CHMP7: variants seen among roughly 807,000 people sequenced by gnomAD.
CHMP7 encodes CHMP family, member 7.
Under a neutral mutation model 53.7 loss-of-function variants are expected in CHMP7, and 15 were observed. That is an observed-to-expected ratio of 0.28 (90% CI 0.19 to 0.43). The LOEUF (loss-of-function observed/expected upper bound fraction) is 0.43. Among genes scored for constraint, CHMP7 ranks in the 20% least tolerant of loss-of-function variants. The pLI is 1.00. For missense variants in CHMP7, 527 were observed against 569.4 expected, an observed-to-expected ratio of 0.93 and a Z score of 0.76; for synonymous variants, 261 against 228.0, an observed-to-expected ratio of 1.14 and a Z score of -1.30.
chr8:23,251,840 C>CA (rs999876330), intron 3 of CHMP7, among the ~76,000 whole-genome samples: 10 of 152,232 alleles, frequency 6.6e-5, no homozygotes, highest in African/African-American at 2.2e-4. Flanking sequence ...TTTTCCATTA[C>CA]AAAAAAATGC....
chr8:23,250,431 C>G (rs1730009118), intron 3 of CHMP7, among the ~76,000 whole-genome samples: 1 of 152,136 alleles, frequency 6.6e-6, no homozygotes, highest in South Asian at 2.1e-4. Context: ...TAAACCCAAA[C>G]CCACTCAATG....
chr8:23,258,861 G>A, intron 8 of CHMP7, 31 bp downstream of exon 8: 1 of 1,450,018 alleles, frequency 6.9e-7, no homozygotes, highest in Non-Finnish European at 9.7e-7. Context: ...GGGACACACA[G>A]AGAAGGAGGT....
intron 2 of CHMP7, chr8:23,248,287 A>G (rs1036021006): frequency 1.2e-5 from 5 of 429,888 alleles, no homozygotes; most frequent in African/African-American, 6.1e-5. Flanking sequence ...TAATACCTCT[A>G]TGGTGGTATT....
chr8:23,250,609 G>A (rs1412725116), intron 3 of CHMP7, among the ~76,000 whole-genome samples: 3 of 148,632 alleles, frequency 2.0e-5, no homozygotes. Context: ...TGTGGATGAG[G>A]TGATAGGGGC....
At chr8:23,255,504 T>A in intron 4 of CHMP7, 72 bp downstream of exon 4, 2 of 1,475,940 alleles carry the variant, frequency 1.4e-6, no homozygotes, top group Non-Finnish European at 1.9e-6. Context: ...TGAGCCCTTA[T>A]CTCAGATTTT....
chr8:23,258,153 G>T (rs1802212513), intron 6 of CHMP7, 72 bp downstream of exon 6: 1 of 1,472,450 alleles, frequency 6.8e-7, no homozygotes, highest in Non-Finnish European at 9.5e-7. Context: ...GCAGTTCAGA[G>T]AGCAGCTTGC....
At chr8:23,256,900 T>C (rs925881752) in intron 5 of CHMP7, among the ~76,000 whole-genome samples, 142 of 151,352 alleles carry the variant, frequency 9.4e-4, no homozygotes, top group African/African-American at 2.4e-3. Context: ...TCACGCCATT[T>C]TCCTGCGCCA....
intron 1 of CHMP7, 134 bp from the exon 2 acceptor site, chr8:23,246,122 T>C (rs1347220714): frequency 2.0e-5 from 3 of 152,294 alleles, no homozygotes; most frequent in African/African-American, 7.2e-5. Context: ...CTTTTTATTA[T>C]TTTTTCTCTT....
At position 23,261,137 on chromosome 8, in the gene CHMP7, GTA is replaced by G. The variant is rs1427715608; in HGVS notation, c.*541_*542del. On this transcript the variant is annotated 3_prime_UTR_variant, in exon 11 of 11. Transcript: ENST00000397677. ...CTGCCATTTTATGGAAAAACATGTA[GTA>G]TAAAAGGTTTTTCTCCAGGGTCATT... is the stretch of plus-strand genomic sequence containing the variant. The G allele has an allele frequency of 6.5e-6, 1 of 154,990 alleles. No individual in the cohort carries two copies. Among genetic ancestry groups the G allele is most frequent in the African/African-American group, 2.4e-5 (1 of 41,448 alleles). The allele number at this position is 154,990 out of a possible 1,614,324, so 9.6% of individuals were successfully genotyped here.
chr8:23,251,632 T>C (rs1028025857), intron 3 of CHMP7, among the ~76,000 whole-genome samples: 2 of 152,232 alleles, frequency 1.3e-5, no homozygotes, highest in Non-Finnish European at 2.9e-5. Context: ...TCCATTTTTT[T>C]CTAGAAATGG....
chr8:23,249,735 C>T (rs1399459201), intron 3 of CHMP7, among the ~76,000 whole-genome samples: 1 of 152,184 alleles, frequency 6.6e-6, no homozygotes, highest in Non-Finnish European at 1.5e-5. Flanking sequence ...GCATTGCCAC[C>T]TCTAAACTGG....
intron 3 of CHMP7, chr8:23,252,249 G>A (rs1318449977): frequency 4.9e-5 from 7 of 143,494 alleles, no homozygotes; most frequent in East Asian, 2.1e-4. Context: ...GCAGTGGCAC[G>A]ATCTCCGCTC....
At chr8:23,259,273 A>G in intron 9 of CHMP7, 147 bp downstream of exon 9, 2 of 467,256 alleles carry the variant, frequency 4.3e-6, no homozygotes, top group Admixed American at 8.3e-5. Flanking sequence ...GGTTCACGCC[A>G]TTCTCCTGCC....
rs1491187498 is a variant in CHMP7, at chr8:23,259,161, C to CTTTTT, written c.1120+35_1120+36insTTTTT. ...CAAGGTGGTTATTTTTATTTTTATT[C>CTTTTT]ATTTTTTTTTTTTTTTTTTTTTTTT... On this transcript the variant is annotated intron_variant, in intron 9 of 10. Coordinates refer to ENST00000397677, the MANE Select transcript of CHMP7 (RefSeq NM_152272.5). 1.7e-4 allele frequency: 90 copies of CTTTTT among 520,324 alleles called. 4 individuals are homozygous for CTTTTT. The highest frequency in any genetic ancestry group is 1.9e-4 in the Admixed American group (5 of 25,734). 32.2% of individuals were successfully genotyped at this position (520,324 alleles called of 1,614,324 possible).
chr8:23,246,679 C>A lies in CHMP7; in HGVS notation c.-17C>A, dbSNP rs1461824149. 1.3e-6 allele frequency: 2 copies of A among 1,544,010 alleles called. No homozygotes were observed. Among genetic ancestry groups the A allele is most frequent in the Non-Finnish European group, 8.7e-7 (1 of 1,143,970 alleles). On this transcript the variant is annotated 5_prime_UTR_variant, in exon 2 of 11. Coordinates refer to ENST00000397677, the MANE Select transcript of CHMP7 (RefSeq NM_152272.5). ...GGCCAGGCTTGTGTTCGCAGCCTTG[C>A]CGGGGCTGGGGTTCCGATGTGGTCC...
At position 23,260,162 on chromosome 8, in the gene CHMP7, T is replaced by A; in HGVS notation, c.1139T>A (p.Leu380Gln). Residue 380 changes from leucine to glutamine, a missense_variant, in exon 10 of 11, where the codon CTG becomes CAG. Leu to Gln is a moderately radical substitution (Grantham distance 113). Coordinates refer to ENST00000397677, the MANE Select transcript of CHMP7 (RefSeq NM_152272.5). Reference sequence around the variant, plus strand: ...TTTCCAGATTTTGACAGTGAAGAACTGGAGAAGGAATTGGACATCCTCCTT... The same window carrying A: ...TTTCCAGATTTTGACAGTGAAGAACAGGAGAAGGAATTGGACATCCTCCTT... ...TNGLDFDSEE[L>Q]EKELDILLQD... 1 of 1,614,102 alleles carries A rather than the reference T, an allele frequency of 6.2e-7. No homozygotes were observed. Among genetic ancestry groups the A allele is most frequent in the Admixed American group, 1.7e-5 (1 of 60,024 alleles).
chr8:23,248,024 A>G (rs1457626036), intron 2 of CHMP7: 5 of 454,936 alleles, frequency 1.1e-5, no homozygotes, highest in Admixed American at 7.1e-5. Flanking sequence ...ATTGCCCAGG[A>G]TGGTCTCGAA....
At chr8:23,256,266 G>A (rs1802120684) in intron 4 of CHMP7, among the ~76,000 whole-genome samples, 194 bp from the exon 5 acceptor site, 2 of 152,156 alleles carry the variant, frequency 1.3e-5, no homozygotes, top group Admixed American at 1.3e-4. Flanking sequence ...AAGGAAAAAT[G>A]TTTACATAGC....
At position 23,246,670 on chromosome 8, in the gene CHMP7, G is replaced by T; in HGVS notation, c.-26G>T. The T allele has an allele frequency of 6.5e-7, 1 of 1,539,296 alleles. No homozygotes were observed. Among genetic ancestry groups the T allele is most frequent in the Non-Finnish European group, 8.8e-7 (1 of 1,140,910 alleles). ...GCGGACCAGGGCCAGGCTTGTGTTC[G>T]CAGCCTTGCCGGGGCTGGGGTTCCG... On this transcript the variant is annotated 5_prime_UTR_variant, in exon 2 of 11. Coordinates refer to ENST00000397677, the MANE Select transcript of CHMP7 (RefSeq NM_152272.5).
Sources: allele counts gnomAD v4.1 joint callset (sites outside exome capture counted in the v4.1 genomes callset), GRCh38; gene constraint gnomAD v4.1.1; transcripts MANE v1.5; gene names NCBI Gene and HGNC (gene_info 2026-07-23, HGNC 2026-07-21).